The following CDH13 variants were observed in gnomAD, a reference collection of about 807,000 sequenced individuals.
CDH13 encodes cadherin-13.
A neutral mutation model predicts 63.8 loss-of-function variants in CDH13; 24 were observed. That is an observed-to-expected ratio of 0.38 (90% confidence interval 0.27 to 0.53). CDH13 has a LOEUF of 0.53. Among genes scored for constraint, CDH13 ranks in the 20% least tolerant of loss-of-function variants. The pLI is 0.85. For synonymous variants in CDH13, 503 were observed against 355.3 expected (o/e 1.42, Z -4.67); for missense variants, 1,049 against 903.1 (o/e 1.16, Z -2.07).
Position 83,096,572 on chromosome 16 carries a change from G to T in CDH13, c.367-28813G>T, listed in dbSNP as rs147471133. Among the ~76,000 whole-genome samples the T allele has an allele frequency of 4.8e-3, 729 of 152,266 alleles. 3 individuals are homozygous for T. Among genetic ancestry groups the T allele is most frequent in the African/African-American group, 0.017 (699 of 41,532 alleles). On this transcript the variant is annotated intron_variant, in intron 3 of 13. Transcript: ENST00000567109. ...CACGACTCATGATTTCAATTCTCAG[G>T]ACTGAGTATCTCTGCTGAACGCAAA...
intron 6 of CDH13, among the ~76,000 whole-genome samples, chr16:83,449,115 C>T (rs915237637): frequency 3.9e-5 from 6 of 152,172 alleles, no homozygotes; most frequent in Non-Finnish European, 7.3e-5. Context: ...TATTAACCTA[C>T]GTTTTAAATG....
chr16:82,940,188 A>G (rs1342431608), intron 2 of CDH13, among the ~76,000 whole-genome samples: 3 of 152,200 alleles, frequency 2.0e-5, no homozygotes, highest in East Asian at 1.9e-4. Context: ...CAGCCAAACC[A>G]TATCAGTAGG....
chr16:82,687,685 C>A (rs1032823427), intron 1 of CDH13, among the ~76,000 whole-genome samples: 2 of 152,038 alleles, frequency 1.3e-5, no homozygotes, highest in Admixed American at 6.6e-5. Flanking sequence ...GGGATTATTA[C>A]AATTCAAGAT....
intron 2 of CDH13, among the ~76,000 whole-genome samples, chr16:82,952,911 G>T (rs1420299770): frequency 6.6e-6 from 1 of 152,214 alleles, no homozygotes; most frequent in African/African-American, 2.4e-5. Context: ...AGACAAGGCT[G>T]CCAGGTGCTC....
chr16:82,717,415 G>A (rs1393513655), intron 1 of CDH13, among the ~76,000 whole-genome samples: 1 of 142,238 alleles, frequency 7.0e-6, no homozygotes, highest in Non-Finnish European at 1.5e-5. Context: ...CAGCCTGGGC[G>A]ACAGAGTGAG....
At chr16:83,451,754 G>T (rs548497167) in intron 6 of CDH13, among the ~76,000 whole-genome samples, 6 of 152,316 alleles carry the variant, frequency 3.9e-5, no homozygotes, top group Admixed American at 3.9e-4. Flanking sequence ...CTGGACTCAA[G>T]TGATCCTCCT....
At chr16:82,723,657 C>G (rs1021210780) in intron 1 of CDH13, among the ~76,000 whole-genome samples, 1 of 152,152 alleles carries the variant, frequency 6.6e-6, no homozygotes, top group Non-Finnish European at 1.5e-5. Flanking sequence ...AACTCCTGTG[C>G]AAATACAAAA....
intron 2 of CDH13, among the ~76,000 whole-genome samples, chr16:82,946,373 T>C (rs796224580): frequency 1.7e-4 from 26 of 152,328 alleles, no homozygotes; most frequent in African/African-American, 5.1e-4. Flanking sequence ...ATTTTATTGA[T>C]AGTCAAGCAC....
At chr16:83,468,103 G>C (rs1176424541) in intron 6 of CDH13, among the ~76,000 whole-genome samples, 2 of 152,144 alleles carry the variant, frequency 1.3e-5, no homozygotes, top group Non-Finnish European at 2.9e-5. Flanking sequence ...GAAATCACTG[G>C]CATGATGAGA....
chr16:83,735,762 G>T (rs1006691062), intron 10 of CDH13: 1 of 152,182 alleles, frequency 6.6e-6, no homozygotes, highest in Non-Finnish European at 1.5e-5. Context: ...TAACTCATGA[G>T]GTCTGCTGAC....
At position 82,783,968 on chromosome 16, in the gene CDH13, GT is replaced by G. The variant is rs1310122418; in HGVS notation, c.46-74387del. Reference sequence around the variant, plus strand: ...ATACTTAATGTTAGAAATTCAATTTGTTTTTTTCTTCTACCTCCGCAGGCTC... The same window carrying G: ...ATACTTAATGTTAGAAATTCAATTTGTTTTTTCTTCTACCTCCGCAGGCTC... On this transcript the variant is annotated intron_variant, in intron 1 of 13. Coordinates refer to ENST00000567109, the MANE Select transcript of CDH13 (RefSeq NM_001257.5). Among the ~76,000 whole-genome samples, 3 of 152,248 alleles carry G rather than the reference GT, an allele frequency of 2.0e-5. No individual in the cohort carries two copies. In the South Asian group the frequency reaches 6.2e-4, roughly 32 times the overall value.
intron 10 of CDH13, among the ~76,000 whole-genome samples, chr16:83,744,818 A>C (rs1432615881): frequency 1.3e-5 from 2 of 152,204 alleles, no homozygotes; most frequent in African/African-American, 4.8e-5. Context: ...AACACAGAGA[A>C]GTAGCTTGCC....
chr16:83,447,078 A>C (rs1357169608), intron 6 of CDH13, among the ~76,000 whole-genome samples: 3 of 136,236 alleles, frequency 2.2e-5, no homozygotes, highest in African/African-American at 5.3e-5. Context: ...AAAAAAACAA[A>C]AAACACCTTA....
At chr16:83,606,354 T>C (rs1049246369) in intron 8 of CDH13, among the ~76,000 whole-genome samples, 6 of 152,158 alleles carry the variant, frequency 3.9e-5, no homozygotes, top group African/African-American at 1.4e-4. Flanking sequence ...TTGAAATCTA[T>C]ATAAAAGAGG....
At chr16:83,360,793 C>T (rs2091147317) in intron 6 of CDH13, among the ~76,000 whole-genome samples, 1 of 152,134 alleles carries the variant, frequency 6.6e-6, no homozygotes, top group African/African-American at 2.4e-5. Flanking sequence ...TGAGTTCATT[C>T]TTTTCTATGG....
chr16:83,192,096 C>T (rs1484897966), intron 4 of CDH13, among the ~76,000 whole-genome samples: 1 of 152,194 alleles, frequency 6.6e-6, no homozygotes, highest in Non-Finnish European at 1.5e-5. Context: ...GTTATTTATA[C>T]CACCTGGCAC....
intron 2 of CDH13, among the ~76,000 whole-genome samples, chr16:82,945,363 C>G (rs573283467): frequency 3.2e-4 from 49 of 152,224 alleles, no homozygotes; most frequent in Middle Eastern, 6.8e-3. Flanking sequence ...TTGGTCAAGC[C>G]TCAGTGTAGG....
chr16:82,938,443 AG>A (rs2042734718), intron 2 of CDH13, among the ~76,000 whole-genome samples: 1 of 152,202 alleles, frequency 6.6e-6, no homozygotes, highest in Non-Finnish European at 1.5e-5. Context: ...TGAGATAATG[AG>A]GTAATTTCAA....
chr16:83,081,170 C>A (rs9925323), intron 3 of CDH13, among the ~76,000 whole-genome samples: 1 of 151,818 alleles, frequency 6.6e-6, no homozygotes, highest in East Asian at 1.9e-4. Context: ...CATGAGCCAC[C>A]GCACCTGGCA....
Sources: gnomAD v4.1 joint callset for allele counts (sites outside exome capture counted in the v4.1 genomes callset) on GRCh38, gnomAD v4.1.1 for gene constraint, MANE v1.5 for transcripts, NCBI Gene and HGNC (gene_info 2026-07-23, HGNC 2026-07-21) for gene names.